GPCPD1: variants seen among roughly 807,000 people sequenced by gnomAD.
GPCPD1 encodes the protein glycerophosphocholine phosphodiesterase GPCPD1.
GPCPD1 carries 29 observed loss-of-function variants against 89.2 expected under a neutral mutation model. The ratio of observed to expected loss-of-function variants is 0.33; its 90% CI spans 0.24 to 0.44. The LOEUF is 0.44. Among genes scored for constraint, GPCPD1 ranks in the 20% least tolerant of loss-of-function variants. The probability of loss-of-function intolerance (pLI) is 1.00; values close to 1 mark genes in which losing one functional copy is unlikely to be tolerated. For missense variants in GPCPD1, 594 were observed against 808.9 expected, an observed-to-expected ratio of 0.73 and a Z score of 3.22; for synonymous variants, 258 against 266.3, an observed-to-expected ratio of 0.97 and a Z score of 0.30.
At chr20:5,604,484 C>G in intron 1 of GPCPD1, 44 bp from the exon 2 acceptor site, 1 of 829,014 alleles carries the variant, frequency 1.2e-6, no homozygotes, top group Non-Finnish European at 2.0e-6. Context: ...AAAATATATG[C>G]CTTAGCTAGC....
chr20:5,603,110 T>C (rs370677363), intron 2 of GPCPD1, among the ~76,000 whole-genome samples: 2 of 151,130 alleles, frequency 1.3e-5, no homozygotes, highest in East Asian at 1.9e-4. Context: ...CTGGACAAGA[T>C]AGTGAAACCC....
intron 10 of GPCPD1, among the ~76,000 whole-genome samples, chr20:5,574,900 C>T (rs1978285820): frequency 1.3e-5 from 2 of 152,286 alleles, no homozygotes; most frequent in South Asian, 4.1e-4. Flanking sequence ...GTGGCATGAG[C>T]TATCGCACTG....
At chr20:5,576,189 C>T (rs1055731549) in intron 8 of GPCPD1, among the ~76,000 whole-genome samples, 1 of 151,488 alleles carries the variant, frequency 6.6e-6, no homozygotes, top group South Asian at 2.1e-4. Context: ...GGGATGCTGA[C>T]GCAGGCAGAT....
chr20:5,593,301 T>C (rs1219020377), intron 4 of GPCPD1, 26 bp downstream of exon 4: 3 of 1,174,486 alleles, frequency 2.6e-6, no homozygotes, highest in Non-Finnish European at 3.8e-6. Flanking sequence ...GCTAAAGGAA[T>C]TGGAAACTAG....
At position 5,586,143 on chromosome 20, in the gene GPCPD1, T is replaced by C. The variant is rs746676516; in HGVS notation, c.307+51A>G. On this transcript the variant is annotated intron_variant, in intron 5 of 19. Transcript: ENST00000379019. ...AATCCCACTAAGCCATTGTGCAGCA[T>C]ATTAGTAACTTTATGCATATGCCTC... 6.9e-6 allele frequency: 6 copies of C among 868,944 alleles called. No individual in the cohort carries two copies. In the South Asian group the frequency reaches 8.3e-5, roughly 12 times the overall value. The allele number at this position is 868,944 out of a possible 1,614,324, so 53.8% of individuals were successfully genotyped here.
rs574570508 is a variant in GPCPD1 at position 5,553,967 on chromosome 20, ATTTTC to A, written c.1829+3973_1829+3977del. On this transcript the variant is annotated intron_variant, in intron 19 of 19. Transcript: ENST00000379019. Reference sequence around the variant, plus strand: ...ACAAAGTGGCTACATTGAACAACAGATTTTCTTTTCTTTTTTTTTAAGACAGAGTC... The same window carrying A: ...ACAAAGTGGCTACATTGAACAACAGATTTTCTTTTTTTTTAAGACAGAGTC... Among the ~76,000 whole-genome samples, 204 of 87,898 alleles carry A rather than the reference ATTTTC, an allele frequency of 2.3e-3. 23 individuals are homozygous for A. The highest frequency in any genetic ancestry group is 0.014 in the East Asian group (26 of 1,814). The allele number at this position is 87,898 out of a possible 152,430, so 57.7% of individuals were successfully genotyped here.
chr20:5,603,191 G>C (rs1027934558), intron 2 of GPCPD1, among the ~76,000 whole-genome samples: 1 of 151,904 alleles, frequency 6.6e-6, no homozygotes, highest in African/African-American at 2.4e-5. Context: ...TACTTGGGAG[G>C]CTGAGGCAGG....
At chr20:5,588,698 G>A (rs1244405908) in intron 4 of GPCPD1, among the ~76,000 whole-genome samples, 12 of 152,022 alleles carry the variant, frequency 7.9e-5, no homozygotes, top group African/African-American at 2.2e-4. Flanking sequence ...GGTGGCACAC[G>A]CCTGTAATCC....
In GPCPD1 at chr20:5,582,186, C is replaced by CAAAA. The variant is rs1164754193; in HGVS notation, c.350-2059_350-2056dup. Among the ~76,000 whole-genome samples, 317 of 36,264 alleles carry CAAAA rather than the reference C, an allele frequency of 8.7e-3. 52 individuals carry two copies. The highest frequency in any genetic ancestry group is 0.022 in the African/African-American group (201 of 9,088). 23.8% of individuals were successfully genotyped at this position (36,264 alleles called of 152,430 possible). A position where few individuals can be genotyped will look rare whatever the true frequency, so the allele number is the denominator to read the frequency against. ...GGGCGACAGAGCGAGACTCCCGTCT[C>CAAAA]AAAAAAAAAAAAAAAAAAAAAAAAA... On this transcript the variant is annotated intron_variant, in intron 6 of 19. Coordinates refer to ENST00000379019, the MANE Select transcript of GPCPD1 (RefSeq NM_019593.5).
chr20:5,555,171 T>C (rs1399500008), intron 19 of GPCPD1, among the ~76,000 whole-genome samples: 1 of 152,160 alleles, frequency 6.6e-6, no homozygotes, highest in Non-Finnish European at 1.5e-5. Context: ...CAACAAGAGA[T>C]TCAGAATATT....
chr20:5,557,828 T>A (rs1027627170), intron 19 of GPCPD1, 117 bp downstream of exon 19: 5 of 600,436 alleles, frequency 8.3e-6, no homozygotes, highest in Non-Finnish European at 1.4e-5. Context: ...AATGTCAAGA[T>A]AACCTCAGGC....
chr20:5,589,338 G>A (rs149823160), intron 4 of GPCPD1, among the ~76,000 whole-genome samples: 14 of 152,224 alleles, frequency 9.2e-5, no homozygotes, highest in African/African-American at 3.4e-4. Flanking sequence ...CAGGCCAGGC[G>A]TGGTGGCTCA....
intron 12 of GPCPD1, chr20:5,567,866 T>C: frequency 4.4e-6 from 1 of 228,100 alleles, no homozygotes; most frequent in Non-Finnish European, 8.5e-6. Flanking sequence ...CAGAAGTCAG[T>C]CATCTCCCCT....
intron 15 of GPCPD1, among the ~76,000 whole-genome samples, chr20:5,563,759 C>A (rs1007779234): frequency 1.3e-5 from 2 of 152,166 alleles, no homozygotes; most frequent in African/African-American, 4.8e-5. Context: ...ATAATCAATA[C>A]TTAATTTACC....
chr20:5,596,816 T>C (rs1031442751), intron 3 of GPCPD1, among the ~76,000 whole-genome samples: 6 of 152,338 alleles, frequency 3.9e-5, no homozygotes, highest in African/African-American at 1.4e-4. Flanking sequence ...TAAAGGCACA[T>C]GGATTCCTGT....
chr20:5,604,774 T>TACACACACACACACACACAAACACAC (rs1980455699), intron 1 of GPCPD1, among the ~76,000 whole-genome samples: 1 of 139,072 alleles, frequency 7.2e-6, no homozygotes, highest in Non-Finnish European at 1.5e-5. Context: ...GCCTCATGTC[T>TACACACACACACACACACAAACACAC]ACACACACAC....
intron 8 of GPCPD1, among the ~76,000 whole-genome samples, chr20:5,577,150 C>T (rs753501343): frequency 6.7e-6 from 1 of 150,128 alleles, no homozygotes; most frequent in Non-Finnish European, 1.5e-5. Flanking sequence ...CTGCAACCTC[C>T]GCCTCCCAGG....
rs1196811296 is a variant in GPCPD1, at chr20:5,598,771, G to A, written c.100C>T (p.Pro34Ser). Residue 34 changes from proline (P) to serine (S), a missense_variant, in exon 3 of 20, where the codon CCT becomes TCT. Transcript: ENST00000379019. ...GGAAGAAGAGCCACAGCATTTTGAG[G>A]ATTCCAGTTTCCCAAAGCATCACAG... is the stretch of plus-strand genomic sequence containing the variant. The part of the protein sequence containing the change: ...GSCDALGNWN[P>S]QNAVALLPEN... The A allele has an allele frequency of 3.1e-6, 5 of 1,613,284 alleles. No individual in the cohort carries two copies. The South Asian group carries it at 5.5e-5, about 18-fold the overall frequency.
At chr20:5,572,722 A>G (rs1986791608) in intron 11 of GPCPD1, among the ~76,000 whole-genome samples, 1 of 152,162 alleles carries the variant, frequency 6.6e-6, no homozygotes. Flanking sequence ...AATAGGGGAG[A>G]AAAATCTCAG....
Sources: gnomAD v4.1 joint callset for allele counts (sites outside exome capture counted in the v4.1 genomes callset) on GRCh38, gnomAD v4.1.1 for gene constraint, MANE v1.5 for transcripts, NCBI Gene and HGNC (gene_info 2026-07-23, HGNC 2026-07-21) for gene names.